RBM4B: variants seen among roughly 807,000 people sequenced by gnomAD.
RBM4B encodes RNA binding motif protein 4B.
Under a neutral mutation model 28.5 loss-of-function variants are expected in RBM4B, and 13 were observed. That is an observed-to-expected ratio of 0.46 (90% CI 0.30 to 0.72). RBM4B has a LOEUF of 0.72. Among genes scored for constraint, RBM4B ranks in the 30% least tolerant of loss-of-function variants. RBM4B has a pLI of 0.09. For missense variants in RBM4B, 387 were observed against 477.6 expected, an observed-to-expected ratio of 0.81 and a Z score of 1.77; for synonymous variants, 167 against 179.1, an observed-to-expected ratio of 0.93 and a Z score of 0.54.
chr11:66,665,866 C>T (rs1056816308), intron 3 of RBM4B: 1 of 1,532,678 alleles, frequency 6.5e-7, no homozygotes, highest in African/African-American at 1.4e-5. Context: ...GCAAGATAAC[C>T]CCTGTGACAG....
At chr11:66,665,803 T>A in intron 3 of RBM4B, 1 of 1,451,086 alleles carries the variant, frequency 6.9e-7, no homozygotes, top group Non-Finnish European at 9.3e-7. Flanking sequence ...CAAGATGCAA[T>A]CTAGCTGAAG....
chr11:66,672,749 G>A (rs1207765105), intron 2 of RBM4B, among the ~76,000 whole-genome samples: 1 of 152,060 alleles, frequency 6.6e-6, no homozygotes, highest in Non-Finnish European at 1.5e-5. Flanking sequence ...CGCCTGTCTC[G>A]GCCTCCCAAA....
chr11:66,667,092 A>C (rs1939265127), intron 3 of RBM4B: 1 of 152,002 alleles, frequency 6.6e-6, no homozygotes, highest in African/African-American at 2.4e-5. Context: ...ATATATACCA[A>C]AGGGATAAGT....
chr11:66,665,323 G>A lies in RBM4B; in HGVS notation c.*265C>T, dbSNP rs1479629785. On this transcript the variant is annotated 3_prime_UTR_variant, in exon 4 of 4. Transcript: ENST00000310046. The stretch of plus-strand genomic sequence containing the variant: ...AGGGGTTCCACTGCACAGGAAAAAG[G>A]GGATGCCAGCATAATCCTTACCTAG... The A allele has an allele frequency of 7.5e-6, 4 of 530,800 alleles. No homozygotes were observed. The highest frequency in any genetic ancestry group is 1.3e-5 in the Non-Finnish European group (4 of 298,108). The allele number at this position is 530,800 out of a possible 1,614,324, so 32.9% of individuals were successfully genotyped here.
intron 3 of RBM4B, chr11:66,666,769 A>G (rs2135228514): frequency 6.6e-6 from 1 of 152,362 alleles, no homozygotes. Flanking sequence ...TGCTTCACAC[A>G]TAAACACAGA....
At chr11:66,673,713 G>A (rs370921256) in intron 2 of RBM4B, among the ~76,000 whole-genome samples, 4 of 152,082 alleles carry the variant, frequency 2.6e-5, no homozygotes, top group African/African-American at 9.7e-5. Context: ...CCCCCGCCTC[G>A]GCCTTCCAGA....
chr11:66,666,381 C>A, intron 3 of RBM4B: 3 of 994,312 alleles, frequency 3.0e-6, no homozygotes, highest in Non-Finnish European at 3.6e-6. Flanking sequence ...AGGGTGAGAC[C>A]CGAATTTGGA....
intron 2 of RBM4B, among the ~76,000 whole-genome samples, chr11:66,675,211 T>C (rs974210803): frequency 6.6e-6 from 1 of 152,256 alleles, no homozygotes; most frequent in Non-Finnish European, 1.5e-5. Flanking sequence ...TCACCTGTCA[T>C]CATAAAGAGC....
At chr11:66,672,612 C>G (rs1362494457) in intron 2 of RBM4B, among the ~76,000 whole-genome samples, 1 of 151,462 alleles carries the variant, frequency 6.6e-6, no homozygotes, top group Non-Finnish European at 1.5e-5. Context: ...TCTCCTGCCT[C>G]AGCCTCCCGA....
At chr11:66,671,368 C>T (rs1029130607) in intron 2 of RBM4B, among the ~76,000 whole-genome samples, 1 of 152,120 alleles carries the variant, frequency 6.6e-6, no homozygotes, top group African/African-American at 2.4e-5. Context: ...ATGCATAGTT[C>T]CCTATAATTT....
At chr11:66,665,897 A>G (rs143939117) in intron 3 of RBM4B, 2 of 1,535,382 alleles carry the variant, frequency 1.3e-6, no homozygotes, top group African/African-American at 1.4e-5. Context: ...TTGCTGTAAC[A>G]AAGGGCATAC....
At chr11:66,674,440 G>T (rs1277222071) in intron 2 of RBM4B, among the ~76,000 whole-genome samples, 4 of 151,864 alleles carry the variant, frequency 2.6e-5, no homozygotes, top group African/African-American at 9.7e-5. Flanking sequence ...ATGTTGAGCA[G>T]GATGGACTCA....
At chr11:66,667,075 C>G (rs918293011) in intron 3 of RBM4B, 4 of 152,036 alleles carry the variant, frequency 2.6e-5, no homozygotes, top group African/African-American at 9.7e-5. Flanking sequence ...GCTTTGTTAT[C>G]TTCTACATAT....
intron 2 of RBM4B, among the ~76,000 whole-genome samples, chr11:66,674,946 T>C (rs1939595101): frequency 6.6e-6 from 1 of 152,226 alleles, no homozygotes; most frequent in African/African-American, 2.4e-5. Flanking sequence ...TACCCAACTT[T>C]ACATTCTTTT....
Position 66,677,823 on chromosome 11 carries a change from C to A in RBM4B, c.-72G>T, listed in dbSNP as rs1262332783. ...CAGAGAGAACCTTACAAAATGGCGA[C>A]GGCCGCTCGAGCCTGGACGCGACCG... On this transcript the variant is annotated 5_prime_UTR_variant, in exon 1 of 4. Transcript: ENST00000310046. 6.5e-6 allele frequency: 1 copy of A among 152,672 alleles called. No homozygotes were observed. Among genetic ancestry groups the A allele is most frequent in the Admixed American group, 6.5e-5 (1 of 15,292 alleles). 9.5% of individuals were successfully genotyped at this position (152,672 alleles called of 1,614,324 possible). A position where few individuals can be genotyped will look rare whatever the true frequency, so the allele number is the denominator to read the frequency against.
chr11:66,671,507 G>T (rs1939462564), intron 2 of RBM4B, among the ~76,000 whole-genome samples: 1 of 152,164 alleles, frequency 6.6e-6, no homozygotes, highest in African/African-American at 2.4e-5. Flanking sequence ...AGCCAATCCA[G>T]AGACCTAAAA....
At chr11:66,674,357 G>A (rs536217351) in intron 2 of RBM4B, among the ~76,000 whole-genome samples, 48 of 151,352 alleles carry the variant, frequency 3.2e-4, no homozygotes, top group African/African-American at 1.2e-3. Flanking sequence ...CCGAGTAGTG[G>A]GGACTACAAG....
chr11:66,676,047 TA>T, intron 2 of RBM4B: 1 of 152,920 alleles, frequency 6.5e-6, no homozygotes, highest in African/African-American at 2.4e-5. Context: ...GAGTCTGATA[TA>T]TTTAGAAATT....
Position 66,676,731 on chromosome 11 carries a change from G to C in RBM4B, c.349C>G (p.His117Asp). 1.2e-6 allele frequency: 2 copies of C among 1,614,076 alleles called. No homozygotes were observed. Among genetic ancestry groups the C allele is most frequent in the Non-Finnish European group, 1.7e-6 (2 of 1,179,992 alleles). ...ACTGCATCCTCTGCCCGCTCCATGTGTACGAAGGCATAATCTTTCACGATG... is the reference window on the plus strand; with the variant it reads ...ACTGCATCCTCTGCCCGCTCCATGTCTACGAAGGCATAATCTTTCACGATG... ...CDIVKDYAFV[H>D]MERAEDAVEA... Residue 117 changes from histidine to aspartate, a missense_variant, in exon 2 of 4, where the codon CAC (histidine) becomes GAC (aspartate). Physicochemically the swap from His to Asp is moderately conservative, Grantham distance 81. This residue lies in a region of RBM4B where 161 missense variants were observed against 256.9 expected (regional missense o/e 0.63). Transcript: ENST00000310046.
Sources: allele counts gnomAD v4.1 joint callset (sites outside exome capture counted in the v4.1 genomes callset), GRCh38; gene constraint gnomAD v4.1.1; regional missense constraint gnomAD v4.1.1; transcripts MANE v1.5; gene names NCBI Gene and HGNC (gene_info 2026-07-23, HGNC 2026-07-21).